The following ZNF584 variants were observed in gnomAD, a reference collection of about 807,000 sequenced individuals.
ZNF584 encodes zinc finger protein 584.
A neutral mutation model predicts 14.7 loss-of-function variants in ZNF584; 12 were observed. That is an observed-to-expected ratio of 0.82 (90% CI 0.52 to 1.32). ZNF584 has a LOEUF of 1.32. Among genes scored for constraint, ZNF584 ranks in the 40% most tolerant of loss-of-function variants. The pLI is 0.00. For synonymous variants in ZNF584, 204 were observed against 190.9 expected, an observed-to-expected ratio of 1.07 and a Z score of -0.57; for missense variants, 478 against 518.8, an observed-to-expected ratio of 0.92 and a Z score of 0.76.
chr19:58,401,700 C>T (rs1352080893), intron 1 of ZNF584: 1 of 150,040 alleles, frequency 6.7e-6, no homozygotes, highest in Non-Finnish European at 1.5e-5. Flanking sequence ...TTCGAGCGCC[C>T]TCACGCGTTT....
In ZNF584 at chr19:58,410,096, GTC is replaced by G; in HGVS notation, c.169+9_169+10del. ...TTGCACTCGTTAGCTCACTGGGTAA[GTC>G]TCTTACACTGTCCCCCAGCACACTG... On this transcript the variant is annotated splice_donor_region_variant and intron_variant, in intron 2 of 3. Coordinates refer to ENST00000306910, the MANE Select transcript of ZNF584 (RefSeq NM_173548.3). The G allele has an allele frequency of 6.2e-7, 1 of 1,606,566 alleles. No individual in the cohort carries two copies. Among genetic ancestry groups the G allele is most frequent in the African/African-American group, 1.3e-5 (1 of 74,792 alleles).
upstream of ZNF584, chr19:58,406,781 A>AGCCGCCTC: frequency 5.9e-5 from 9 of 152,384 alleles, no homozygotes; most frequent in African/African-American, 2.2e-4. Flanking sequence ...CTGTGGGGGA[A>AGCCGCCTC]TGAACAGGTT....
At chr19:58,410,557 A>ATATATATATATATATATG (rs1340373210) in intron 2 of ZNF584, among the ~76,000 whole-genome samples, 3 of 26,002 alleles carry the variant, frequency 1.2e-4, no homozygotes, top group East Asian at 7.2e-4. Context: ...ATATATATAT[A>ATATATATATATATATATG]TGTGTATATA....
chr19:58,403,802 C>G (rs560797838), upstream of ZNF584, among the ~76,000 whole-genome samples: 1 of 151,962 alleles, frequency 6.6e-6, no homozygotes, highest in African/African-American at 2.4e-5. Flanking sequence ...AACCCCAACT[C>G]TACTAAAAAT....
chr19:58,409,059 G>A lies in ZNF584; in HGVS notation c.-89G>A, dbSNP rs2052505733. The A allele has an allele frequency of 7.0e-7, 1 of 1,432,074 alleles. No individual in the cohort carries two copies. Among genetic ancestry groups the A allele is most frequent in the Non-Finnish European group, 9.3e-7 (1 of 1,080,250 alleles). The allele number at this position is 1,432,074 out of a possible 1,614,324, so 88.7% of individuals were successfully genotyped here. ...CCGCGCGGGGAGAGCTTCCCGGGAA[G>A]GTTCCACGGCGGCCGAGGGTTTCCG... On this transcript the variant is annotated 5_prime_UTR_variant, in exon 1 of 4. Coordinates refer to ENST00000306910, the MANE Select transcript of ZNF584 (RefSeq NM_173548.3).
At chr19:58,402,779 G>T (rs964585317) in intron 1 of ZNF584, among the ~76,000 whole-genome samples, 1 of 126,274 alleles carries the variant, frequency 7.9e-6, no homozygotes, top group Admixed American at 9.7e-5. Context: ...AGCCGAGATT[G>T]CACCATTGCA....
intron 1 of ZNF584, among the ~76,000 whole-genome samples, chr19:58,402,585 G>T (rs113563853): frequency 6.6e-6 from 1 of 152,272 alleles, no homozygotes; most frequent in East Asian, 1.9e-4. Context: ...CACTTTGGGA[G>T]GCTGAGGTGG....
At position 58,410,567 on chromosome 19, in the gene ZNF584, A is replaced by G. The variant is rs1389489978; in HGVS notation, c.169+476A>G. Among the ~76,000 whole-genome samples the G allele has an allele frequency of 1.5e-3, 10 of 6,468 alleles. 1 individual carries two copies. Among genetic ancestry groups the G allele is most frequent in the East Asian group, 4.3e-3 (4 of 924 alleles). The allele number at this position is 6,468 out of a possible 152,430, so 4.2% of individuals were successfully genotyped here. A position where few individuals can be genotyped will look rare whatever the true frequency, so the allele number is the denominator to read the frequency against. ...TATATATATATATATATGTGTATAT[A>G]TATATGTATATATATGTATATATAT... On this transcript the variant is annotated intron_variant, in intron 2 of 3. Coordinates refer to ENST00000306910, the MANE Select transcript of ZNF584 (RefSeq NM_173548.3).
At chr19:58,414,086 G>T (rs1037631994) in intron 2 of ZNF584, among the ~76,000 whole-genome samples, 12 of 151,944 alleles carry the variant, frequency 7.9e-5, no homozygotes, top group Admixed American at 2.0e-4. Context: ...CTCCCAAAGT[G>T]CTGGGATTAC....
At chr19:58,415,780 G>A in intron 3 of ZNF584, 134 bp downstream of exon 3, 1 of 1,610,928 alleles carries the variant, frequency 6.2e-7, no homozygotes, top group Non-Finnish European at 8.5e-7. Context: ...TGTCTTATGT[G>A]GACACTGTGC....
upstream of ZNF584, chr19:58,405,820 G>A (rs543873882): frequency 0.012 from 1,900 of 164,226 alleles, 24 homozygotes; most frequent in Middle Eastern, 0.019. Context: ...TCACTTCCTA[G>A]ATGGGATGGC....
upstream of ZNF584, chr19:58,407,410 T>C (rs78281157): frequency 6.6e-6 from 1 of 152,334 alleles, no homozygotes; most frequent in African/African-American, 2.4e-5. Flanking sequence ...GCCTGGAATC[T>C]TACAGGAAGT....
Position 58,417,685 on chromosome 19 carries a change from G to A in ZNF584, c.1167G>A (p.Lys389=), listed in dbSNP as rs3764535. 0.47 allele frequency: 761,713 copies of A among 1,613,778 alleles called. 182,580 individuals are homozygous for A. The highest frequency in any genetic ancestry group is 0.59 in the African/African-American group (43,862 of 74,908). ...CTTATGAATGTACAGAGTGTGGGAA[G>A]GCCTTCAAACATAGTTCCACCCTCC... is the stretch of plus-strand genomic sequence containing the variant. The part of the protein sequence containing the change: ...ERSYECTECG[K]AFKHSSTLLQ... Residue 389 remains lysine (K), a synonymous_variant, in exon 4 of 4, where the codon AAG becomes AAA. Transcript: ENST00000306910.
At position 58,416,866 on chromosome 19, in the gene ZNF584, C is replaced by T; in HGVS notation, c.348C>T (p.Tyr116=). 2.5e-6 allele frequency: 4 copies of T among 1,599,866 alleles called. No individual in the cohort carries two copies. In the African/African-American group the frequency reaches 5.4e-5, roughly 21 times the overall value. ...CCCATCCTGAGCATCTAAAGAGCTA[C>T]AGAGTCATCCAGCACCAGGACACTC... is the stretch of plus-strand genomic sequence containing the variant. ...ERAHPEHLKS[Y]RVIQHQDTHS... Residue 116 remains tyrosine, a synonymous_variant, in exon 4 of 4, where the codon TAC becomes TAT. Coordinates refer to ENST00000306910, the MANE Select transcript of ZNF584 (RefSeq NM_173548.3).
chr19:58,407,689 T>G (rs1298670468), upstream of ZNF584, among the ~76,000 whole-genome samples: 3 of 152,182 alleles, frequency 2.0e-5, no homozygotes, highest in African/African-American at 7.2e-5. Context: ...CCAGCACCAC[T>G]TCAGGTAGAA....
intron 1 of ZNF584, 189 bp downstream of exon 1, chr19:58,409,354 G>T: frequency 1.4e-6 from 1 of 721,234 alleles, no homozygotes; most frequent in Non-Finnish European, 2.0e-6. Flanking sequence ...ACAGGATGGG[G>T]TCGTAGTTGC....
intron 2 of ZNF584, among the ~76,000 whole-genome samples, 155 bp downstream of exon 2, chr19:58,410,246 G>C (rs1436010060): frequency 6.7e-6 from 1 of 150,160 alleles, no homozygotes; most frequent in Non-Finnish European, 1.5e-5. Context: ...GGTGGGACTC[G>C]GCGGTGTGCT....
At chr19:58,405,270 G>T (rs1470884285), upstream of ZNF584, 4 of 91,276 alleles carry the variant, frequency 4.4e-5, no homozygotes, top group Non-Finnish European at 6.9e-5. Context: ...GCGGGGGGCT[G>T]ACCCCCCCAC....
At position 58,416,917 on chromosome 19, in the gene ZNF584, C is replaced by A; in HGVS notation, c.399C>A (p.His133Gln). 1 of 1,613,110 alleles carries A rather than the reference C, an allele frequency of 6.2e-7. No homozygotes were observed. The highest frequency in any genetic ancestry group is 8.5e-7 in the Non-Finnish European group (1 of 1,179,426). The change falls in exon 4 of 4, where the codon CAC (histidine) becomes CAA (glutamine). Residue 133 changes from histidine (H) to glutamine (Q), a missense_variant. Around this residue, in one of 3 missense-constraint regions of ZNF584, gnomAD observed 189 missense variants for 177.9 expected, o/e 1.06. Coordinates refer to ENST00000306910, the MANE Select transcript of ZNF584 (RefSeq NM_173548.3). ...ATAGTGAGGGGAAACCAAGAAGGCA[C>A]ACTGAGCATGGGGCAGCTTTCCCAC... Reference protein sequence around the residue: ...DTHSEGKPRRHTEHGAAFPPG... With the variant: ...DTHSEGKPRRQTEHGAAFPPG...
Sources: allele counts gnomAD v4.1 joint callset (sites outside exome capture counted in the v4.1 genomes callset), GRCh38; gene constraint gnomAD v4.1.1; regional missense constraint gnomAD v4.1.1; transcripts MANE v1.5; gene names NCBI Gene and HGNC (gene_info 2026-07-23, HGNC 2026-07-21).